The following AP2A1 variants were observed in gnomAD, a reference collection of about 807,000 sequenced individuals.
AP2A1 encodes the protein AP-2 complex subunit alpha-1.
Under a neutral mutation model 107.3 loss-of-function variants are expected in AP2A1, and 21 were observed. That is an observed-to-expected ratio of 0.20 (90% CI 0.14 to 0.28). AP2A1 has a LOEUF of 0.28. Among genes scored for constraint, AP2A1 ranks in the 10% least tolerant of loss-of-function variants. AP2A1 has a pLI of 1.00. For missense variants in AP2A1, 873 were observed against 1,307.7 expected (o/e 0.67, Z 5.13); for synonymous variants, 602 against 564.8 (o/e 1.07, Z -0.93).
Position 49,801,785 on chromosome 19 carries a change from A to G in AP2A1, c.1849A>G (p.Lys617Glu). Residue 617 changes from lysine to glutamate, a missense_variant, in exon 14 of 23, where the codon AAA becomes GAA. This residue lies in a region of AP2A1 where 416 missense variants were observed against 473.4 expected (regional missense o/e 0.88). Coordinates refer to ENST00000354293, the MANE Select transcript of AP2A1 (RefSeq NM_130787.3). ...CGAGTCGTCCATCCTGGCCAAGCTGAAACGCAAGAAGGGGCCAGGGGCCGG... is the reference window on the plus strand; with the variant it reads ...CGAGTCGTCCATCCTGGCCAAGCTGGAACGCAAGAAGGGGCCAGGGGCCGG... ...ERESSILAKL[K>E]RKKGPGAGSA... 6.4e-7 allele frequency: 1 copy of G among 1,568,762 alleles called. No individual in the cohort carries two copies. The highest frequency in any genetic ancestry group is 8.6e-7 in the Non-Finnish European group (1 of 1,159,620).
chr19:49,793,898 CTTTTTTTTTT>C (rs956804227), intron 6 of AP2A1, among the ~76,000 whole-genome samples: 118 of 74,578 alleles, frequency 1.6e-3, no homozygotes, highest in Non-Finnish European at 2.3e-3. Context: ...CTCATTGTTT[CTTTTTTTTTT>C]TTTTTTTTTT....
rs746865330 is a variant in AP2A1 at position 49,788,568 on chromosome 19, G to C, written c.474-3367G>C. On this transcript the variant is annotated intron_variant, in intron 4 of 22. Coordinates refer to ENST00000354293, the MANE Select transcript of AP2A1 (RefSeq NM_130787.3). The surrounding 1 kb of genome is among the most constrained non-coding windows in gnomAD (Gnocchi z 4.5). The stretch of plus-strand genomic sequence containing the variant: ...CCCAGAGTCAGGGCTCGGGAGATGC[G>C]CTGTGGCTCAGGAGATGTGCGCCGT... Among the ~76,000 whole-genome samples the C allele has an allele frequency of 4.0e-5, 6 of 150,684 alleles. No homozygotes were observed. Among genetic ancestry groups the C allele is most frequent in the African/African-American group, 1.2e-4 (5 of 40,948 alleles).
intron 4 of AP2A1, 103 bp from the exon 5 acceptor site, chr19:49,791,832 C>T: frequency 6.9e-7 from 1 of 1,445,504 alleles, no homozygotes; most frequent in Non-Finnish European, 9.3e-7. Context: ...GTCCCTCTCG[C>T]TGGCCTCGCA....
chr19:49,787,352 T>TG (rs1321145798), intron 4 of AP2A1, among the ~76,000 whole-genome samples: 13 of 114,194 alleles, frequency 1.1e-4, no homozygotes, highest in Non-Finnish European at 1.9e-4. Context: ...TTTTTGTTTT[T>TG]TGTTTTTTTT....
chr19:49,800,075 G>A lies in AP2A1; in HGVS notation c.1380G>A (p.Glu460=), dbSNP rs2073258943. Residue 460 remains glutamate (E), a synonymous_variant, in exon 11 of 23, where the codon GAG becomes GAA. Coordinates refer to ENST00000354293, the MANE Select transcript of AP2A1 (RefSeq NM_130787.3). ...TTGCGGGCGACTACGTGAGTGAGGA[G>A]GTGTGGTACCGTGTGCTACAGATCG... ...IRIAGDYVSE[E]VWYRVLQIVT... 5.0e-6 allele frequency: 8 copies of A among 1,613,918 alleles called. No homozygotes were observed. Among genetic ancestry groups the A allele is most frequent in the East Asian group, 4.5e-5 (2 of 44,902 alleles).
chr19:49,770,968 C>T (rs1170644333), intron 1 of AP2A1, among the ~76,000 whole-genome samples: 2 of 152,154 alleles, frequency 1.3e-5, no homozygotes, highest in South Asian at 4.1e-4. Flanking sequence ...TCTCCTGCCT[C>T]AGCTTCCTGA....
intron 1 of AP2A1, among the ~76,000 whole-genome samples, chr19:49,771,204 AT>A (rs1355663991): frequency 6.6e-6 from 1 of 150,624 alleles, no homozygotes; most frequent in Non-Finnish European, 1.5e-5. Flanking sequence ...GACACGGCAC[AT>A]GCTTGTAGTC....
chr19:49,794,358 G>A lies in AP2A1; in HGVS notation c.705+1266G>A, dbSNP rs932049211. Among the ~76,000 whole-genome samples the A allele has an allele frequency of 2.6e-5, 4 of 151,926 alleles. No homozygotes were observed. In the East Asian group the frequency reaches 7.8e-4, roughly 29 times the overall value. Reference sequence around the variant, plus strand: ...GCCTCCCGAGTAGCTGGGACTGCAGGTGCCTGGCTAATTTTTGTATTTTTT... The same window carrying A: ...GCCTCCCGAGTAGCTGGGACTGCAGATGCCTGGCTAATTTTTGTATTTTTT... On this transcript the variant is annotated intron_variant, in intron 6 of 22. Coordinates refer to ENST00000354293, the MANE Select transcript of AP2A1 (RefSeq NM_130787.3).
intron 1 of AP2A1, among the ~76,000 whole-genome samples, chr19:49,781,544 G>T (rs2084675439): frequency 6.6e-6 from 1 of 152,106 alleles, no homozygotes; most frequent in African/African-American, 2.4e-5. Context: ...CAGCCCAAGG[G>T]TGTGTGCTCT....
chr19:49,807,045 GC>G lies in AP2A1; in HGVS notation c.*291del. The G allele has an allele frequency of 1.6e-6, 1 of 629,084 alleles. No homozygotes were observed. The highest frequency in any genetic ancestry group is 2.0e-5 in the African/African-American group (1 of 49,668). 39.0% of individuals were successfully genotyped at this position (629,084 alleles called of 1,614,324 possible). A position where few individuals can be genotyped will look rare whatever the true frequency, so the allele number is the denominator to read the frequency against. ...TCCCCTCCCACCCCACCCTGTTGTA[GC>G]CCCTCCTACCCCCTCCCCATCCAGG... On this transcript the variant is annotated 3_prime_UTR_variant, in exon 23 of 23. Coordinates refer to ENST00000354293, the MANE Select transcript of AP2A1 (RefSeq NM_130787.3).
At chr19:49,774,555 T>G (rs2084597767) in intron 1 of AP2A1, among the ~76,000 whole-genome samples, 1 of 152,160 alleles carries the variant, frequency 6.6e-6, no homozygotes, top group South Asian at 2.1e-4. Flanking sequence ...TTTTCTTTTT[T>G]TTTTCTTTTT....
chr19:49,805,693 A>G lies in AP2A1; in HGVS notation c.2501A>G (p.Lys834Arg), dbSNP rs1439560763. 6.4e-7 allele frequency: 1 copy of G among 1,567,334 alleles called. No homozygotes were observed. The highest frequency in any genetic ancestry group is 1.9e-5 in the Admixed American group (1 of 53,130). The change falls in exon 20 of 23, where the codon AAG becomes AGG. Residue 834 changes from lysine (K) to arginine (R), a missense_variant. By Grantham distance (26) the Lys-to-Arg change is conservative. Coordinates refer to ENST00000354293, the MANE Select transcript of AP2A1 (RefSeq NM_130787.3). Reference protein sequence around the residue: ...YGGAPQALTLKLPVTINKFFQ... With the variant: ...YGGAPQALTLRLPVTINKFFQ... Reference sequence around the variant, plus strand: ...GGCGCCCCCCAGGCCCTCACCCTGAAGCTCCCAGTGACCATCAACAAGTTC... The same window carrying G: ...GGCGCCCCCCAGGCCCTCACCCTGAGGCTCCCAGTGACCATCAACAAGTTC...
chr19:49,804,964 T>TGGCATGAACACTGCTCACTGCAGC (rs2073342774), intron 18 of AP2A1: 1 of 153,234 alleles, frequency 6.5e-6, no homozygotes, highest in Non-Finnish European at 1.5e-5. Flanking sequence ...TGGAATGCAG[T>TGGCATGAACACTGCTCACTGCAGC]GGCATGAACA....
intron 1 of AP2A1, among the ~76,000 whole-genome samples, chr19:49,769,565 A>G (rs545179353): frequency 8.6e-5 from 13 of 151,748 alleles, no homozygotes; most frequent in African/African-American, 3.1e-4. Context: ...GAGAGGGAGA[A>G]GGTCAGTGTG....
intron 15 of AP2A1, chr19:49,802,630 C>CCG (rs1555794199): frequency 1.5e-6 from 1 of 645,632 alleles, no homozygotes; most frequent in East Asian, 4.9e-5. Flanking sequence ...GGAGGTCGGT[C>CCG]GGGGGGGCGG....
At chr19:49,806,298 T>G in intron 22 of AP2A1, 45 bp downstream of exon 22, 5 of 1,546,388 alleles carry the variant, frequency 3.2e-6, no homozygotes, top group Non-Finnish European at 4.4e-6. Context: ...GAAGGCCGCC[T>G]GTCATCTCTG....
chr19:49,769,436 G>A (rs377470885), intron 1 of AP2A1, among the ~76,000 whole-genome samples: 2 of 152,094 alleles, frequency 1.3e-5, no homozygotes, highest in East Asian at 1.9e-4. Context: ...AGTAGGCCTC[G>A]TGGAGGAAGT....
intron 18 of AP2A1, 57 bp from the exon 19 acceptor site, chr19:49,805,396 C>T: frequency 6.8e-7 from 1 of 1,478,326 alleles, no homozygotes; most frequent in Admixed American, 2.4e-5. Context: ...GGTTCCTGAC[C>T]CAGACCTCCC....
chr19:49,780,512 G>A (rs970961942), intron 1 of AP2A1, among the ~76,000 whole-genome samples: 1 of 152,286 alleles, frequency 6.6e-6, no homozygotes, highest in Admixed American at 6.5e-5. Flanking sequence ...GGTGACACCG[G>A]CAGGGTTGCT....
Sources: gnomAD v4.1 joint callset for allele counts (sites outside exome capture counted in the v4.1 genomes callset) on GRCh38, gnomAD v4.1.1 for gene constraint, gnomAD v4.1.1 regional missense constraint, Gnocchi (gnomAD v3.1) non-coding constraint, MANE v1.5 for transcripts, NCBI Gene and HGNC (gene_info 2026-07-23, HGNC 2026-07-21) for gene names.